The following TRIOBP variants were observed in gnomAD, a reference collection of about 807,000 sequenced individuals.
The protein encoded by TRIOBP is TRIO and F-actin-binding protein.
TRIOBP carries 169 observed loss-of-function variants against 238.8 expected under a neutral mutation model. The observed-to-expected ratio is 0.71, with a 90% CI of 0.62 to 0.80. The LOEUF (loss-of-function observed/expected upper bound fraction) is 0.80. TRIOBP is among the 30% of genes least tolerant of loss of function. The pLI, the probability that TRIOBP is intolerant of heterozygous loss-of-function variation, is 0.00. For synonymous variants in TRIOBP, 1,150 were observed against 1,274.4 expected, an observed-to-expected ratio of 0.90 and a Z score of 2.08; for missense variants, 2,838 against 3,122.6, an observed-to-expected ratio of 0.91 and a Z score of 2.17.
intron 22 of TRIOBP, 88 bp from the exon 23 acceptor site, chr22:37,772,513 G>C: frequency 6.3e-7 from 1 of 1,588,552 alleles, no homozygotes; most frequent in African/African-American, 1.3e-5. Context: ...TCTGCGGGGA[G>C]GTCTGGCTGC....
In TRIOBP at chr22:37,765,748, C is replaced by T. The variant is rs767363274; in HGVS notation, c.6403C>T (p.Arg2135Trp). The T allele has an allele frequency of 7.6e-6, 12 of 1,575,168 alleles. No individual in the cohort carries two copies. Among genetic ancestry groups the T allele is most frequent in the African/African-American group, 4.1e-5 (3 of 73,946 alleles). The change falls in exon 18 of 24, where the codon CGG becomes TGG. Residue 2135 changes from arginine (R) to tryptophan (W), a missense_variant. Coordinates refer to ENST00000644935, the MANE Select transcript of TRIOBP (RefSeq NM_001039141.3). ...GGAGGAGCTGCAGCGGCACCACGAG[C>T]GGGAGCTGCAGCGCCTGCAGCAGGA... is the stretch of plus-strand genomic sequence containing the variant. Reference protein sequence around the residue: ...VMEELQRHHERELQRLQQEKE... With the variant: ...VMEELQRHHEWELQRLQQEKE...
At chr22:37,706,834 G>A (rs1034839769) in intron 3 of TRIOBP, among the ~76,000 whole-genome samples, 3 of 151,640 alleles carry the variant, frequency 2.0e-5, no homozygotes, top group Admixed American at 2.0e-4. Context: ...TGAGCTTCCA[G>A]TTGCTCTGAT....
chr22:37,735,528 A>G (rs1203708012), intron 9 of TRIOBP, 86 bp downstream of exon 9: 1 of 1,461,844 alleles, frequency 6.8e-7, no homozygotes, highest in Non-Finnish European at 9.3e-7. Context: ...CCCTTGGAGT[A>G]GCCTAAGCTC....
intron 6 of TRIOBP, among the ~76,000 whole-genome samples, chr22:37,718,025 C>G (rs1173833085): frequency 1.3e-5 from 2 of 152,220 alleles, no homozygotes; most frequent in Admixed American, 1.3e-4. Context: ...TCCAGCGCAG[C>G]GCTGGTGGGC....
chr22:37,717,296 C>T (rs1435885337), intron 6 of TRIOBP, among the ~76,000 whole-genome samples: 1 of 152,108 alleles, frequency 6.6e-6, no homozygotes, highest in Non-Finnish European at 1.5e-5. Context: ...GCAGTGTGGA[C>T]CCAAAGAGTG....
chr22:37,747,935 G>A (rs908649458), intron 11 of TRIOBP, among the ~76,000 whole-genome samples: 4 of 152,166 alleles, frequency 2.6e-5, no homozygotes, highest in Admixed American at 6.5e-5. Flanking sequence ...CGGAAGCAGC[G>A]TGTGGGGTGC....
rs1378286275 is a variant in TRIOBP at position 37,725,864 on chromosome 22, A to G, written c.3308A>G (p.His1103Arg). 3 of 1,605,762 alleles carry G rather than the reference A, an allele frequency of 1.9e-6. No homozygotes were observed. The highest frequency in any genetic ancestry group is 2.5e-6 in the Non-Finnish European group (3 of 1,178,176). Reference sequence around the variant, plus strand: ...GAGCATCAGTGTCAGTCCCCCCAACACGAGCCCCTTCAGCTCCCTGCACCT... The same window carrying G: ...GAGCATCAGTGTCAGTCCCCCCAACGCGAGCCCCTTCAGCTCCCTGCACCT... ...DAEHQCQSPQHEPLQLPAPVC... is the reference protein window; with the variant it reads ...DAEHQCQSPQREPLQLPAPVC... Residue 1103 changes from histidine (H) to arginine (R), a missense_variant, in exon 7 of 24, where the codon CAC (histidine) becomes CGC (arginine). Around this residue, in one of 5 missense-constraint regions of TRIOBP, gnomAD observed 2,096 missense variants for 2,137.4 expected, o/e 0.98. Coordinates refer to ENST00000644935, the MANE Select transcript of TRIOBP (RefSeq NM_001039141.3).
Position 37,735,342 on chromosome 22 carries a change from T to C in TRIOBP, c.5006T>C (p.Val1669Ala). ...TCCACCCAGTGGCCAAAGATCAAAG[T>C]GACAAGAGGACCAGCGACCGCAACT... is the stretch of plus-strand genomic sequence containing the variant. ...CTSTQWPKIK[V>A]TRGPATATLA... The change falls in exon 9 of 24, where the codon GTG becomes GCG. Residue 1669 changes from valine to alanine, a missense_variant. This residue lies in a region of TRIOBP where 2,096 missense variants were observed against 2,137.4 expected (regional missense o/e 0.98). Coordinates refer to ENST00000644935, the MANE Select transcript of TRIOBP (RefSeq NM_001039141.3). 1 of 1,613,138 alleles carries C rather than the reference T, an allele frequency of 6.2e-7. No individual in the cohort carries two copies. Among genetic ancestry groups the C allele is most frequent in the African/African-American group, 1.3e-5 (1 of 74,966 alleles).
chr22:37,725,566 C>T lies in TRIOBP; in HGVS notation c.3010C>T (p.Leu1004=). ...GTACCCCGCTGCCTATGGGGCTCCC[C>T]TGACCTCTCCTGAGCCCTCCCAGCC... ...PVYPAAYGAP[L]TSPEPSQPPC... Residue 1004 remains leucine (L), a synonymous_variant, in exon 7 of 24, where the codon CTG becomes TTG. Coordinates refer to ENST00000644935, the MANE Select transcript of TRIOBP (RefSeq NM_001039141.3). 1 of 1,613,808 alleles carries T rather than the reference C, an allele frequency of 6.2e-7. No individual in the cohort carries two copies. Among genetic ancestry groups the T allele is most frequent in the Non-Finnish European group, 8.5e-7 (1 of 1,179,986 alleles).
At chr22:37,704,483 G>A (rs965962994) in intron 3 of TRIOBP, among the ~76,000 whole-genome samples, 8 of 148,218 alleles carry the variant, frequency 5.4e-5, no homozygotes, top group Admixed American at 1.4e-4. Flanking sequence ...GGGGAAGGGG[G>A]AGGGGGAGAG....
Position 37,715,916 on chromosome 22 carries a change from G to A in TRIOBP, c.610G>A (p.Ala204Thr). ...LTRSPVGGDA[A>T]GQKKEDTGGG... ...CAGGTCCCCTGTGGGAGGAGATGCT[G>A]CAGGCCAGAAAAAGGAGGGTGAGTC... The change falls in exon 6 of 24, where the codon GCA (alanine) becomes ACA (threonine). Residue 204 changes from alanine (A) to threonine (T), a missense_variant. Ala to Thr is a moderately conservative substitution (Grantham distance 58). This residue lies in a region of TRIOBP where 535 missense variants were observed against 537.3 expected (regional missense o/e 1.00). Coordinates refer to ENST00000644935, the MANE Select transcript of TRIOBP (RefSeq NM_001039141.3). 6.2e-7 allele frequency: 1 copy of A among 1,612,916 alleles called. No individual in the cohort carries two copies. The highest frequency in any genetic ancestry group is 1.1e-5 in the South Asian group (1 of 91,040).
In TRIOBP at chr22:37,757,921, A is replaced by G; in HGVS notation, c.5996A>G (p.Glu1999Gly). 6.4e-7 allele frequency: 1 copy of G among 1,554,372 alleles called. No homozygotes were observed. Among genetic ancestry groups the G allele is most frequent in the Non-Finnish European group, 8.7e-7 (1 of 1,149,452 alleles). ...WFEATDSRTP[E>G]VPAGEGPRRG... is the part of the protein sequence containing the mutation. Reference sequence around the variant, plus strand: ...GAGGCCACAGACAGCAGGACCCCAGAGGTGCCTGCTGGTGAGGGGCCGCGC... The same window carrying G: ...GAGGCCACAGACAGCAGGACCCCAGGGGTGCCTGCTGGTGAGGGGCCGCGC... The change falls in exon 16 of 24, where the codon GAG (glutamate) becomes GGG (glycine). Residue 1999 changes from glutamate (E) to glycine (G), a missense_variant. This residue lies in a region of TRIOBP where 2,096 missense variants were observed against 2,137.4 expected (regional missense o/e 0.98). Coordinates refer to ENST00000644935, the MANE Select transcript of TRIOBP (RefSeq NM_001039141.3).
intron 3 of TRIOBP, among the ~76,000 whole-genome samples, chr22:37,709,510 G>A (rs1006897733): frequency 1.3e-5 from 2 of 152,220 alleles, no homozygotes; most frequent in Non-Finnish European, 2.9e-5. Flanking sequence ...GCAGTGTGGG[G>A]GCCTGAGCCG....
intron 22 of TRIOBP, 100 bp downstream of exon 22, chr22:37,771,836 A>G (rs1468164240): frequency 1.9e-6 from 2 of 1,045,630 alleles, no homozygotes; most frequent in African/African-American, 1.6e-5. Flanking sequence ...CACTCGCTTC[A>G]TCCTTCCTCA....
chr22:37,735,693 A>C (rs142322186), intron 9 of TRIOBP, among the ~76,000 whole-genome samples: 14 of 152,330 alleles, frequency 9.2e-5, no homozygotes, highest in African/African-American at 3.4e-4. Flanking sequence ...TTTCCCATTT[A>C]GTCTCCTTAG....
chr22:37,773,064 C>T (rs1926863178), intron 23 of TRIOBP, among the ~76,000 whole-genome samples: 1 of 152,172 alleles, frequency 6.6e-6, no homozygotes, highest in Admixed American at 6.6e-5. Context: ...CGTGCACATC[C>T]CTGACCCCCA....
In TRIOBP at chr22:37,724,848, A is replaced by G. The variant is rs755828186; in HGVS notation, c.2292A>G (p.Gln764=). 1 of 1,613,560 alleles carries G rather than the reference A, an allele frequency of 6.2e-7. No homozygotes were observed. Among genetic ancestry groups the G allele is most frequent in the South Asian group, 1.1e-5 (1 of 91,026 alleles). Residue 764 remains glutamine (Q), a synonymous_variant, in exon 7 of 24, where the codon CAA becomes CAG. Transcript: ENST00000644935. ...PRASSPNRTI[Q]QENLRTSCTR... ...CCTCCTCTCCTAACAGAACCATCCA[A>G]CAAGAGAACCTCAGAACATCCTGTA...
At chr22:37,750,789 G>A in intron 11 of TRIOBP, 1 of 465,826 alleles carries the variant, frequency 2.1e-6, no homozygotes, top group South Asian at 1.6e-5. Context: ...GGTCGGGAGA[G>A]GTGGCCAGGC....
Position 37,724,755 on chromosome 22 carries a change from C to T in TRIOBP, c.2199C>T (p.Ser733=), listed in dbSNP as rs1924034572. ...SCARRDNPRA[S]SRNRTIQRDN... ...CCCGACGGGACAATCCCAGAGCCTC[C>T]TCTCGCAACAGAACCATCCAGCGAG... The change falls in exon 7 of 24, where the codon TCC becomes TCT. Residue 733 remains serine (S), a synonymous_variant. Transcript: ENST00000644935. The T allele has an allele frequency of 9.9e-6, 16 of 1,612,358 alleles. No individual in the cohort carries two copies. In the East Asian group the frequency reaches 3.3e-4, roughly 34 times the overall value.
Sources: gnomAD v4.1 joint callset for allele counts (sites outside exome capture counted in the v4.1 genomes callset) on GRCh38, gnomAD v4.1.1 for gene constraint, gnomAD v4.1.1 regional missense constraint, MANE v1.5 for transcripts, NCBI Gene and HGNC (gene_info 2026-07-23, HGNC 2026-07-21) for gene names.